CNTNAP5: variants seen among roughly 807,000 people sequenced by gnomAD.
The protein encoded by CNTNAP5 is contactin-associated protein-like 5.
In CNTNAP5, 72 loss-of-function variants were observed where a neutral mutation model predicts 150.2. The observed-to-expected ratio is 0.48, with a 90% CI of 0.40 to 0.58. The LOEUF is 0.58. Ranked by LOEUF, CNTNAP5 falls within the 20% of genes least tolerant of loss-of-function variation. CNTNAP5 has a pLI of 0.00. For missense variants in CNTNAP5, 1,636 were observed against 1,626.2 expected (o/e 1.01, Z -0.10); for synonymous variants, 672 against 619.8 (o/e 1.08, Z -1.25).
At chr2:124,486,866 A>C (rs1693893415) in intron 7 of CNTNAP5, among the ~76,000 whole-genome samples, 1 of 152,226 alleles carries the variant, frequency 6.6e-6, no homozygotes, top group African/African-American at 2.4e-5. Context: ...CAGACTCAAA[A>C]AGTTTAGAAC....
intron 13 of CNTNAP5, among the ~76,000 whole-genome samples, chr2:124,716,178 T>C (rs1679941065): frequency 6.6e-6 from 1 of 152,074 alleles, no homozygotes; most frequent in African/African-American, 2.4e-5. Flanking sequence ...ACTATCAATA[T>C]GAAAAAATGA....
At chr2:124,366,862 C>T (rs1049965002) in intron 3 of CNTNAP5, among the ~76,000 whole-genome samples, 4 of 152,098 alleles carry the variant, frequency 2.6e-5, no homozygotes, top group Non-Finnish European at 4.4e-5. Context: ...AGGAAGGAGG[C>T]ATAACATTGG....
At chr2:124,890,803 C>A (rs867736477) in intron 21 of CNTNAP5, among the ~76,000 whole-genome samples, 1 of 152,034 alleles carries the variant, frequency 6.6e-6, no homozygotes, top group Admixed American at 6.6e-5. Context: ...AAAATGCTAG[C>A]TGAAAGACTA....
chr2:124,413,854 A>C (rs112070375), intron 3 of CNTNAP5, among the ~76,000 whole-genome samples: 4 of 147,250 alleles, frequency 2.7e-5, no homozygotes, highest in Non-Finnish European at 4.5e-5. Context: ...CACAATGTGC[A>C]CATGTACCCT....
chr2:124,102,774 T>TA (rs2104698157), intron 1 of CNTNAP5, among the ~76,000 whole-genome samples: 1 of 152,270 alleles, frequency 6.6e-6, no homozygotes, highest in African/African-American at 2.4e-5. Flanking sequence ...GAAGTGGGAT[T>TA]AAAAATAATG....
chr2:124,116,966 ATC>A, intron 1 of CNTNAP5, among the ~76,000 whole-genome samples: 1 of 152,314 alleles, frequency 6.6e-6, no homozygotes, highest in Non-Finnish European at 1.5e-5. Context: ...AAGCACAGAT[ATC>A]TGAGTGGGTC....
intron 3 of CNTNAP5, among the ~76,000 whole-genome samples, chr2:124,280,908 A>G (rs1687996269): frequency 6.6e-6 from 1 of 152,208 alleles, no homozygotes; most frequent in Non-Finnish European, 1.5e-5. Flanking sequence ...ACTTTGGTTT[A>G]GACCTTCCCA....
At chr2:124,369,803 T>C (rs1002447282) in intron 3 of CNTNAP5, among the ~76,000 whole-genome samples, 1 of 152,158 alleles carries the variant, frequency 6.6e-6, no homozygotes, top group Non-Finnish European at 1.5e-5. Context: ...ACTATATCTA[T>C]TGTGCACATC....
At chr2:124,690,140 A>G (rs1383089859) in intron 13 of CNTNAP5, among the ~76,000 whole-genome samples, 1 of 152,148 alleles carries the variant, frequency 6.6e-6, no homozygotes, top group East Asian at 1.9e-4. Context: ...AAAGTAAAAA[A>G]AATAAAATCA....
At chr2:124,723,153 G>A (rs1680081411) in intron 13 of CNTNAP5, among the ~76,000 whole-genome samples, 1 of 152,080 alleles carries the variant, frequency 6.6e-6, no homozygotes, top group Admixed American at 6.6e-5. Flanking sequence ...TTGCTTTAAT[G>A]TATCTCTTCC....
intron 13 of CNTNAP5, among the ~76,000 whole-genome samples, chr2:124,728,213 T>G (rs756238443): frequency 6.6e-6 from 1 of 152,068 alleles, no homozygotes; most frequent in Non-Finnish European, 1.5e-5. Context: ...CGAGGATTCT[T>G]TTACATCTGT....
At chr2:124,514,746 C>T (rs1694667417) in intron 8 of CNTNAP5, among the ~76,000 whole-genome samples, 1 of 151,816 alleles carries the variant, frequency 6.6e-6, no homozygotes, top group Non-Finnish European at 1.5e-5. Context: ...TAGAATTTGG[C>T]CAAATATGGA....
chr2:124,225,251 A>G (rs1269065973), intron 2 of CNTNAP5, among the ~76,000 whole-genome samples: 1 of 152,084 alleles, frequency 6.6e-6, no homozygotes, highest in African/African-American at 2.4e-5. Context: ...CCAATTCTAT[A>G]CTCACAACTA....
intron 13 of CNTNAP5, among the ~76,000 whole-genome samples, chr2:124,739,186 G>T (rs747989283): frequency 1.2e-4 from 19 of 152,134 alleles, no homozygotes; most frequent in African/African-American, 1.9e-4. Flanking sequence ...CAGGCAGGGA[G>T]AAGAGAACAT....
chr2:124,435,441 G>A (rs1216725456), intron 5 of CNTNAP5, among the ~76,000 whole-genome samples: 1 of 151,876 alleles, frequency 6.6e-6, no homozygotes, highest in Admixed American at 6.6e-5. Flanking sequence ...ACAAAAGGCA[G>A]GAGCACAGTT....
intron 13 of CNTNAP5, among the ~76,000 whole-genome samples, chr2:124,721,932 C>T (rs1680058680): frequency 6.6e-6 from 1 of 152,050 alleles, no homozygotes; most frequent in African/African-American, 2.4e-5. Context: ...GTGCAGATGC[C>T]TGCCTTCCTG....
chr2:124,829,736 A>G (rs1433225797), intron 19 of CNTNAP5, among the ~76,000 whole-genome samples: 1 of 151,920 alleles, frequency 6.6e-6, no homozygotes, highest in Non-Finnish European at 1.5e-5. Flanking sequence ...AGAGCTTATT[A>G]TAAATGTTTT....
intron 13 of CNTNAP5, among the ~76,000 whole-genome samples, chr2:124,704,811 C>T (rs1679599746): frequency 6.6e-6 from 1 of 152,090 alleles, no homozygotes; most frequent in Admixed American, 6.6e-5. Flanking sequence ...AAACCATGTG[C>T]TTTCTATTCC....
intron 8 of CNTNAP5, among the ~76,000 whole-genome samples, chr2:124,513,612 A>G (rs1022752922): frequency 6.6e-6 from 1 of 152,186 alleles, no homozygotes; most frequent in Non-Finnish European, 1.5e-5. Flanking sequence ...CCTCTAAAAC[A>G]TTTCTGAAAG....
Sources: allele counts gnomAD v4.1 joint callset (sites outside exome capture counted in the v4.1 genomes callset), GRCh38; gene constraint gnomAD v4.1.1; transcripts MANE v1.5; gene names NCBI Gene and HGNC (gene_info 2026-07-23, HGNC 2026-07-21).